The following ZNF438 variants were observed in gnomAD, a reference collection of about 807,000 sequenced individuals.
The protein encoded by ZNF438 is zinc finger protein 438.
A neutral mutation model predicts 38.0 loss-of-function variants in ZNF438; 25 were observed. The ratio of observed to expected loss-of-function variants is 0.66; its 90% confidence interval spans 0.48 to 0.92. ZNF438 has a LOEUF of 0.92. ZNF438 is among the 40% of genes least tolerant of loss of function. The pLI is 0.00. For synonymous variants in ZNF438, 372 were observed against 364.1 expected (o/e 1.02, Z -0.25); for missense variants, 1,007 against 999.6 (o/e 1.01, Z -0.10).
intron 1 of ZNF438, among the ~76,000 whole-genome samples, chr10:30,951,157 A>T (rs1186594128): frequency 1.2e-4 from 18 of 151,448 alleles, no homozygotes; most frequent in African/African-American, 4.1e-4. Flanking sequence ...CCACATGATT[A>T]TCTCAATAGA....
chr10:30,927,176 CAT>C (rs1234351515), intron 2 of ZNF438, among the ~76,000 whole-genome samples: 2 of 152,186 alleles, frequency 1.3e-5, no homozygotes, highest in East Asian at 1.9e-4. Flanking sequence ...AATGCTAGCA[CAT>C]GTTACTAACT....
intron 3 of ZNF438, among the ~76,000 whole-genome samples, chr10:30,880,441 A>AG (rs1318270728): frequency 2.0e-5 from 3 of 151,396 alleles, no homozygotes; most frequent in Non-Finnish European, 4.4e-5. Flanking sequence ...AAAAAAAAAA[A>AG]AAAAAAGAAA....
chr10:30,921,973 C>G (rs955813435), intron 2 of ZNF438, among the ~76,000 whole-genome samples: 1 of 152,162 alleles, frequency 6.6e-6, no homozygotes, highest in African/African-American at 2.4e-5. Flanking sequence ...TATAACAATG[C>G]TATCTATGAA....
chr10:31,021,384 A>G, intron 1 of ZNF438, among the ~76,000 whole-genome samples: 1 of 151,998 alleles, frequency 6.6e-6, no homozygotes, highest in African/African-American at 2.4e-5. Flanking sequence ...ATAGTTATAG[A>G]TAGTACAGTA....
chr10:30,857,598 C>T, intron 4 of ZNF438: 1 of 1,121,676 alleles, frequency 8.9e-7, no homozygotes, highest in South Asian at 1.6e-5. Context: ...TTCTGAAAGC[C>T]CACTTATTAG....
At position 30,878,297 on chromosome 10, in the gene ZNF438, G is replaced by A. The variant is rs567803605; in HGVS notation, c.-31-1232C>T. Among the ~76,000 whole-genome samples, 14 of 152,250 alleles carry A rather than the reference G, an allele frequency of 9.2e-5. No individual in the cohort carries two copies. In the South Asian group the frequency reaches 2.7e-3, roughly 29 times the overall value. Reference sequence around the variant, plus strand: ...TGTGCCTCTAAAGACCCTGGACTCAGTCAGTAGAGGAGAGAAGCAGCTTGA... The same window carrying A: ...TGTGCCTCTAAAGACCCTGGACTCAATCAGTAGAGGAGAGAAGCAGCTTGA... On this transcript the variant is annotated intron_variant, in intron 3 of 5. Transcript: ENST00000413025.
intron 1 of ZNF438, among the ~76,000 whole-genome samples, chr10:30,964,969 T>G (rs1411294835): frequency 1.3e-5 from 2 of 152,034 alleles, no homozygotes; most frequent in African/African-American, 4.8e-5. Context: ...CTAAAGAGCT[T>G]TTGCACAGCA....
chr10:31,028,397 A>G (rs1266795889), intron 1 of ZNF438, among the ~76,000 whole-genome samples: 1 of 152,208 alleles, frequency 6.6e-6, no homozygotes, highest in Non-Finnish European at 1.5e-5. Context: ...AAATATCAGA[A>G]TTTATTTCAT....
intron 3 of ZNF438, among the ~76,000 whole-genome samples, chr10:30,888,599 C>T (rs1238942374): frequency 6.6e-6 from 1 of 152,160 alleles, no homozygotes; most frequent in East Asian, 1.9e-4. Flanking sequence ...TCATTTAGCT[C>T]CCACTTATAA....
At chr10:31,019,025 T>C (rs2056405611) in intron 1 of ZNF438, among the ~76,000 whole-genome samples, 2 of 152,222 alleles carry the variant, frequency 1.3e-5, no homozygotes, top group Admixed American at 1.3e-4. Context: ...TCTATGTACA[T>C]AGCCATGTAT....
chr10:31,012,111 ATTTTCTTTTTTTT>A (rs779083095), intron 1 of ZNF438, among the ~76,000 whole-genome samples: 2,166 of 141,316 alleles, frequency 0.015, 28 homozygotes, highest in Non-Finnish European at 0.019. Flanking sequence ...CCCTGATCTC[ATTTTCTTTTTTTT>A]TTTTCTTTTT....
intron 1 of ZNF438, among the ~76,000 whole-genome samples, chr10:30,991,754 C>A (rs1028572581): frequency 3.9e-5 from 6 of 152,150 alleles, no homozygotes; most frequent in African/African-American, 1.4e-4. Context: ...AAAGAGACAG[C>A]CAGCTCACAG....
chr10:30,933,070 C>T (rs113593607), intron 2 of ZNF438, among the ~76,000 whole-genome samples: 27 of 152,300 alleles, frequency 1.8e-4, no homozygotes, highest in African/African-American at 6.0e-4. Context: ...TAAAGCCACC[C>T]AGTTTGTAGT....
chr10:30,951,929 G>C (rs535444437), intron 1 of ZNF438, among the ~76,000 whole-genome samples: 11,058 of 150,298 alleles, frequency 0.074, 471 homozygotes, highest in Non-Finnish European at 0.1. Context: ...CCAAAAAAGA[G>C]CCCGCATTGC....
chr10:31,011,164 G>A (rs1387362335), intron 1 of ZNF438, among the ~76,000 whole-genome samples: 2 of 152,168 alleles, frequency 1.3e-5, no homozygotes, highest in Non-Finnish European at 2.9e-5. Flanking sequence ...GCTGAGCAGA[G>A]AGAGCATGGC....
chr10:30,900,680 T>C lies in ZNF438; in HGVS notation c.-32+8253A>G, dbSNP rs78951979. Among the ~76,000 whole-genome samples, 798 of 152,324 alleles carry C rather than the reference T, an allele frequency of 5.2e-3. 7 individuals carry two copies. The highest frequency in any genetic ancestry group is 0.018 in the African/African-American group (756 of 41,566). ...ATTTACGCTCACCCAGCTAGTAAAA[T>C]GTGGAGCTGAGGTTTGAAGACACGT... On this transcript the variant is annotated intron_variant, in intron 3 of 5. Coordinates refer to ENST00000413025, the Ensembl canonical transcript of ZNF438.
intron 1 of ZNF438, among the ~76,000 whole-genome samples, chr10:30,959,903 T>C (rs1789441309): frequency 6.8e-6 from 1 of 147,442 alleles, no homozygotes; most frequent in South Asian, 2.2e-4. Context: ...CAACAATGTA[T>C]AATATGAGAG....
rs544038330 is a variant in ZNF438, at chr10:30,938,768, G to A, written c.-115+2807C>T. On this transcript the variant is annotated intron_variant, in intron 2 of 5. Transcript: ENST00000413025. ...GCTCCCTATATTTCAGACTTCCCAG[G>A]GAAGCAAACTTTATTTATTTATTTA... Among the ~76,000 whole-genome samples, 3 of 143,852 alleles carry A rather than the reference G, an allele frequency of 2.1e-5. No homozygotes were observed. The Admixed American group carries it at 2.2e-4, about 10-fold the overall frequency. 94.4% of individuals were successfully genotyped at this position (143,852 alleles called of 152,430 possible). A position where few individuals can be genotyped will look rare whatever the true frequency, so the allele number is the denominator to read the frequency against.
intron 1 of ZNF438, among the ~76,000 whole-genome samples, chr10:30,978,206 C>T (rs1001574755): frequency 6.6e-6 from 1 of 152,088 alleles, no homozygotes; most frequent in African/African-American, 2.4e-5. Flanking sequence ...CAATTCATTC[C>T]GAGGATTCCA....
Sources: allele counts gnomAD v4.1 joint callset (sites outside exome capture counted in the v4.1 genomes callset), GRCh38; gene constraint gnomAD v4.1.1; transcripts MANE v1.5; gene names NCBI Gene and HGNC (gene_info 2026-07-23, HGNC 2026-07-21).